The following SH2D6 variants were observed in gnomAD, a reference collection of about 807,000 sequenced individuals.
SH2D6 encodes the protein SH2 domain containing 6.
A neutral mutation model predicts 30.2 loss-of-function variants in SH2D6; 31 were observed. The observed-to-expected ratio is 1.03, with a 90% CI of 0.77 to 1.38. The LOEUF is 1.38. SH2D6 is among the 40% of genes most tolerant of loss of function. The pLI, the probability that SH2D6 is intolerant of heterozygous loss-of-function variation, is 0.00. For missense variants in SH2D6, 240 were observed against 266.8 expected, an observed-to-expected ratio of 0.90 and a Z score of 0.70; for synonymous variants, 93 against 104.6, an observed-to-expected ratio of 0.89 and a Z score of 0.68.
intron 6 of SH2D6, among the ~76,000 whole-genome samples, chr2:85,427,423 C>T (rs1161761591): frequency 6.6e-6 from 1 of 152,266 alleles, no homozygotes; most frequent in Non-Finnish European, 1.5e-5. Flanking sequence ...TTCCCCTTCT[C>T]CCAGATCTGC....
chr2:85,423,421 T>C (rs919289424), intron 5 of SH2D6, among the ~76,000 whole-genome samples: 7 of 147,892 alleles, frequency 4.7e-5, no homozygotes, highest in East Asian at 4.1e-4. Context: ...TTAGTAGAGA[T>C]GGGGTTTTAC....
chr2:85,425,966 C>T (rs1217230868), intron 6 of SH2D6, among the ~76,000 whole-genome samples: 1 of 152,168 alleles, frequency 6.6e-6, no homozygotes, highest in African/African-American at 2.4e-5. Flanking sequence ...CTGGCTTCTG[C>T]AATTGGAAAC....
At chr2:85,434,800 T>C (rs989701494) in intron 19 of SH2D6, 3 of 1,453,402 alleles carry the variant, frequency 2.1e-6, no homozygotes, top group Non-Finnish European at 2.7e-6. Flanking sequence ...TCTTGGGCAT[T>C]TTCCGGTGCC....
intron 2 of SH2D6, among the ~76,000 whole-genome samples, chr2:85,420,238 A>G (rs1245275324): frequency 6.6e-6 from 1 of 152,068 alleles, no homozygotes; most frequent in Non-Finnish European, 1.5e-5. Flanking sequence ...CCTCAGCCTC[A>G]GTAGCTGGGA....
In SH2D6 at chr2:85,434,390, G is replaced by C. The variant is rs1341615208; in HGVS notation, c.564+20G>C. 1.3e-6 allele frequency: 2 copies of C among 1,550,484 alleles called. No homozygotes were observed. Among genetic ancestry groups the C allele is most frequent in the African/African-American group, 2.7e-5 (2 of 73,036 alleles). On this transcript the variant is annotated intron_variant, in intron 18 of 23. Coordinates refer to ENST00000469800, the MANE Select transcript of SH2D6 (RefSeq NM_001394463.1). ...CGGAATGTAAGAGGCTGATGGTCAG[G>C]GGAGAAGAGAGGGAGGCAGGGAGGG... is the stretch of plus-strand genomic sequence containing the variant.
intron 5 of SH2D6, among the ~76,000 whole-genome samples, chr2:85,423,134 T>C (rs188151142): frequency 4.8e-4 from 73 of 152,334 alleles, no homozygotes; most frequent in Admixed American, 4.6e-3. Context: ...GTAATCCGCC[T>C]GCCTTGGCCT....
intron 22 of SH2D6, 109 bp downstream of exon 22, chr2:85,435,933 G>T: frequency 1.4e-6 from 2 of 1,384,412 alleles, no homozygotes; most frequent in South Asian, 1.5e-5. Flanking sequence ...TCTTTCTGGG[G>T]TGGGCAGAAA....
intron 6 of SH2D6, among the ~76,000 whole-genome samples, chr2:85,426,803 G>T (rs1688085099): frequency 6.6e-6 from 1 of 152,268 alleles, no homozygotes; most frequent in Non-Finnish European, 1.5e-5. Context: ...GGGAACCCCA[G>T]CTTGAAGCCA....
At position 85,435,832 on chromosome 2, in the gene SH2D6, C is replaced by T. The variant is rs1202637177; in HGVS notation, c.891+8C>T. 6 of 1,578,014 alleles carry T rather than the reference C, an allele frequency of 3.8e-6. No homozygotes were observed. In the African/African-American group the frequency reaches 8.1e-5, roughly 21 times the overall value. ...GGCAGGAACCGTGAGGAGGTGGGAG[C>T]TGGAGGAGGCAGGGGCCTAAGGAGG... On this transcript the variant is annotated splice_region_variant and intron_variant, in intron 22 of 23. Coordinates refer to ENST00000469800, the MANE Select transcript of SH2D6 (RefSeq NM_001394463.1).
In SH2D6 at chr2:85,433,114, C is replaced by T; in HGVS notation, c.386C>T (p.Ser129Phe). 1 of 985,984 alleles carries T rather than the reference C, an allele frequency of 1.0e-6. No homozygotes were observed. The highest frequency in any genetic ancestry group is 1.2e-6 in the Non-Finnish European group (1 of 830,012). The allele number at this position is 985,984 out of a possible 1,614,324, so 61.1% of individuals were successfully genotyped here. A position where few individuals can be genotyped will look rare whatever the true frequency, so the allele number is the denominator to read the frequency against. ...TTCCTTTCAGAGCAGGGTGCATCGT[C>T]CAGAGTGGTGAGCAGCCCCTCCATT... ...IFGRREQGAS[S>F]RVVPGPPKKP... Residue 129 changes from serine to phenylalanine, a missense_variant, in exon 15 of 24, where the codon TCC becomes TTC. Transcript: ENST00000469800.
chr2:85,431,033 G>A (rs1688562433), intron 12 of SH2D6, among the ~76,000 whole-genome samples, 177 bp from the exon 13 acceptor site: 2 of 152,164 alleles, frequency 1.3e-5, no homozygotes, highest in African/African-American at 4.8e-5. Flanking sequence ...CGGCCAGGTT[G>A]GGGCAGGGAA....
rs1367180091 is a variant in SH2D6 at position 85,418,833 on chromosome 2, C to CCAGCT, written c.-888_-884dup. 2 of 152,356 alleles carry CCAGCT rather than the reference C, an allele frequency of 1.3e-5. No individual in the cohort carries two copies. Among genetic ancestry groups the CCAGCT allele is most frequent in the Non-Finnish European group, 2.9e-5 (2 of 68,146 alleles). The allele number at this position is 152,356 out of a possible 1,614,324, so 9.4% of individuals were successfully genotyped here. ...GAGATGGCCTTCTCTCCTCGCAAACCCAGCTCCCCACCCCTGCACGCGCCC... is the reference window on the plus strand; with the variant it reads ...GAGATGGCCTTCTCTCCTCGCAAACCCAGCTCAGCTCCCCACCCCTGCACGCGCCC... On this transcript the variant is annotated 5_prime_UTR_variant, in exon 1 of 24. It removes the in-frame stop codon of an upstream open reading frame in the 5' UTR. Coordinates refer to ENST00000469800, the MANE Select transcript of SH2D6 (RefSeq NM_001394463.1).
intron 22 of SH2D6, 151 bp downstream of exon 22, chr2:85,435,975 G>C (rs1689410621): frequency 8.7e-7 from 1 of 1,153,042 alleles, no homozygotes; most frequent in Non-Finnish European, 1.2e-6. Context: ...ACTCCTTCCA[G>C]ACACCTGGCC....
rs2104942460 is a variant in SH2D6 at position 85,434,476 on chromosome 2, A to G, written c.568A>G (p.Thr190Ala). 6.4e-7 allele frequency: 1 copy of G among 1,550,492 alleles called. No individual in the cohort carries two copies. The highest frequency in any genetic ancestry group is 1.2e-5 in the South Asian group (1 of 84,056). The change falls in exon 19 of 24, where the codon ACA (threonine) becomes GCA (alanine). Residue 190 changes from threonine (T) to alanine (A), a missense_variant. Coordinates refer to ENST00000469800, the MANE Select transcript of SH2D6 (RefSeq NM_001394463.1). ...TTAPQETRNG[T>A]ADAASKEGRK... ...GATCAGACCTCCTGTATGCCAGGGA[A>G]CAGCAGATGCTGCCTCTAAAGGTGA...
At chr2:85,423,924 C>T (rs75753309) in intron 5 of SH2D6, among the ~76,000 whole-genome samples, 8,971 of 152,328 alleles carry the variant, frequency 0.059, 380 homozygotes, top group Middle Eastern at 0.085. Flanking sequence ...CCACCAGGAA[C>T]GTCTTGGGCC....
chr2:85,424,198 T>C (rs1426514328), intron 5 of SH2D6, among the ~76,000 whole-genome samples: 3 of 152,380 alleles, frequency 2.0e-5, no homozygotes, highest in African/African-American at 7.2e-5. Flanking sequence ...GTTCCCACTC[T>C]GCTGGGAGAG....
chr2:85,435,667 A>G lies in SH2D6; in HGVS notation c.734A>G (p.Asp245Gly). The change falls in exon 22 of 24, where the codon GAT (aspartate) becomes GGT (glycine). Residue 245 changes from aspartate to glycine, a missense_variant and splice_region_variant. By Grantham distance (94) the Asp-to-Gly change is moderately conservative (BLOSUM62 -1). Transcript: ENST00000469800. ...TGATGGCTGGGGTCTCCTCCACAGG[A>G]TGGGGCCTATACCGTGCGCCCCAGC... ...VESALLHLQKDGAYTVRPSSG... is the reference protein window; with the variant it reads ...VESALLHLQKGGAYTVRPSSG... The G allele has an allele frequency of 6.2e-7, 1 of 1,600,180 alleles. No homozygotes were observed.
At chr2:85,424,240 C>T (rs1418770346) in intron 5 of SH2D6, among the ~76,000 whole-genome samples, 3 of 152,192 alleles carry the variant, frequency 2.0e-5, no homozygotes, top group Non-Finnish European at 4.4e-5. Context: ...CTCTCTTCCA[C>T]TCCCCTCAAG....
At chr2:85,420,946 C>T (rs1259616790) in intron 2 of SH2D6, 1 of 152,380 alleles carries the variant, frequency 6.6e-6, no homozygotes, top group Non-Finnish European at 1.5e-5. Context: ...AGCATCCATT[C>T]TTCTCTGGCC....
Sources: gnomAD v4.1 joint callset for allele counts (sites outside exome capture counted in the v4.1 genomes callset) on GRCh38, gnomAD v4.1.1 for gene constraint, MANE v1.5 for transcripts, NCBI Gene and HGNC (gene_info 2026-07-23, HGNC 2026-07-21) for gene names.